Variants in TULP4 observed in about 807,000 individuals in gnomAD.
The protein encoded by TULP4 is TUB like protein 4.
In TULP4, 16 loss-of-function variants were observed where a neutral mutation model predicts 129.0. That is an observed-to-expected ratio of 0.12 (90% confidence interval 0.08 to 0.19). The LOEUF is 0.19. Among genes scored for constraint, TULP4 ranks in the 10% least tolerant of loss-of-function variants. The pLI, the probability that TULP4 is intolerant of heterozygous loss-of-function variation, is 1.00. For synonymous variants in TULP4, 998 were observed against 854.0 expected (o/e 1.17, Z -2.94); for missense variants, 1,842 against 2,059.1 (o/e 0.89, Z 2.04).
intron 2 of TULP4, among the ~76,000 whole-genome samples, chr6:158,421,784 TTGTAA>T (rs772799948): frequency 2.6e-5 from 4 of 152,362 alleles, no homozygotes; most frequent in African/African-American, 4.8e-5. Flanking sequence ...TTTTCTTGTC[TTGTAA>T]TGTTACGCCA....
In TULP4 at chr6:158,249,089, C is replaced by CAAA. The variant is rs3884262; in HGVS notation, n.68+16800_68+16802dup. On this transcript the variant is annotated intron_variant and non_coding_transcript_variant, in intron 1 of 1. Coordinates refer to the TULP4 transcript ENST00000620026. ...TGGGTGACAGAGTGAGACCCTGTCTCAAAAAAAAAAAAAAAAGAAAAAAGA... is the reference window on the plus strand; with the variant it reads ...TGGGTGACAGAGTGAGACCCTGTCTCAAAAAAAAAAAAAAAAAAAGAAAAAAGA... Among the ~76,000 whole-genome samples the CAAA allele has an allele frequency of 3.0e-3, 316 of 106,496 alleles. 1 individual carries two copies. Among genetic ancestry groups the CAAA allele is most frequent in the East Asian group, 9.0e-3 (34 of 3,762 alleles). The allele number at this position is 106,496 out of a possible 152,430, so 69.9% of individuals were successfully genotyped here.
chr6:158,501,636 C>A lies in TULP4; in HGVS notation c.2015-42C>A, dbSNP rs187730736. On this transcript the variant is annotated intron_variant, in intron 12 of 13. Coordinates refer to ENST00000367097, the MANE Select transcript of TULP4 (RefSeq NM_020245.5). ...TGCTTATCCTGATCTGGTTTAATGG[C>A]AGTGTTTTTGTAAGCAGTTCCTTTT... is the stretch of plus-strand genomic sequence containing the variant. 1.1e-5 allele frequency: 17 copies of A among 1,568,314 alleles called. No homozygotes were observed. In the East Asian group the frequency reaches 2.0e-4, roughly 19 times the overall value.
At chr6:158,232,381 C>T (rs1415509718) in intron 1 of TULP4, 1 of 148,324 alleles carries the variant, frequency 6.7e-6, no homozygotes, top group Non-Finnish European at 1.5e-5. Context: ...GTCCCTGCCC[C>T]GCCGGGCGTG....
intron 1 of TULP4, among the ~76,000 whole-genome samples, chr6:158,266,818 A>G (rs562553251): frequency 6.6e-6 from 1 of 152,314 alleles, no homozygotes; most frequent in Admixed American, 6.5e-5. Context: ...GGGTCCTAGA[A>G]CCAACCCCCA....
chr6:158,309,601 A>G (rs558035862), upstream of TULP4, among the ~76,000 whole-genome samples: 4,821 of 149,114 alleles, frequency 0.032, 100 homozygotes, highest in Non-Finnish European at 0.041. Flanking sequence ...CCTGGGCACC[A>G]TTGAGCACCG....
rs1477587042 is a variant in TULP4 at position 158,510,236 on chromosome 6, T to A, written c.*3542T>A. ...GCATAAATCAAAGAATTTCACAGGC[T>A]AGTGTTTTTATCCATAGCCATTGCT... On this transcript the variant is annotated 3_prime_UTR_variant, in exon 14 of 14. Transcript: ENST00000367097. 1 of 152,602 alleles carries A rather than the reference T, an allele frequency of 6.6e-6. No homozygotes were observed. Among genetic ancestry groups the A allele is most frequent in the Non-Finnish European group, 1.5e-5 (1 of 68,040 alleles). 9.5% of individuals were successfully genotyped at this position (152,602 alleles called of 1,614,324 possible).
chr6:158,249,834 A>G (rs1455151031), intron 1 of TULP4, among the ~76,000 whole-genome samples: 2 of 152,240 alleles, frequency 1.3e-5, no homozygotes, highest in Non-Finnish European at 2.9e-5. Context: ...AAAGTTTTTG[A>G]CCAATTAAAA....
intron 2 of TULP4, among the ~76,000 whole-genome samples, chr6:158,426,525 G>A (rs550664013): frequency 2.7e-4 from 41 of 152,138 alleles, no homozygotes; most frequent in Non-Finnish European, 4.6e-4. Flanking sequence ...AGATCAGATG[G>A]TTGTAAATAT....
intron 12 of TULP4, among the ~76,000 whole-genome samples, chr6:158,499,833 C>G (rs1201245366): frequency 6.6e-6 from 1 of 152,066 alleles, no homozygotes; most frequent in Non-Finnish European, 1.5e-5. Context: ...TCAGCCCAGT[C>G]TTTTTAACTG....
chr6:158,444,017 A>T (rs1375492134), intron 3 of TULP4, among the ~76,000 whole-genome samples: 3 of 151,904 alleles, frequency 2.0e-5, no homozygotes, highest in Admixed American at 6.6e-5. Flanking sequence ...CAGGAGATTG[A>T]GACCATCCTG....
At chr6:158,461,473 A>G in intron 5 of TULP4, 90 bp from the exon 6 acceptor site, 2 of 1,301,874 alleles carry the variant, frequency 1.5e-6, no homozygotes, top group Non-Finnish European at 2.1e-6. Context: ...CAGTGTCTGT[A>G]TTTTTTAAAC....
At chr6:158,243,241 T>A (rs1379216870) in intron 1 of TULP4, among the ~76,000 whole-genome samples, 1 of 152,220 alleles carries the variant, frequency 6.6e-6, no homozygotes, top group African/African-American at 2.4e-5. Flanking sequence ...CAAATCAAGC[T>A]GTCATATAAT....
intron 1 of TULP4, among the ~76,000 whole-genome samples, chr6:158,316,106 C>T (rs933679204): frequency 2.0e-5 from 3 of 152,082 alleles, no homozygotes. Context: ...GAGATTCATC[C>T]CTGTTGTGTA....
At chr6:158,419,470 C>G (rs1205939299) in intron 2 of TULP4, among the ~76,000 whole-genome samples, 1 of 152,030 alleles carries the variant, frequency 6.6e-6, no homozygotes, top group Non-Finnish European at 1.5e-5. Flanking sequence ...TGGTAGAAAA[C>G]AGGAACAAAT....
At chr6:158,421,554 T>C (rs1209712309) in intron 2 of TULP4, among the ~76,000 whole-genome samples, 1 of 152,220 alleles carries the variant, frequency 6.6e-6, no homozygotes, top group Non-Finnish European at 1.5e-5. Context: ...AAAGTTCTTT[T>C]GCAGTCTTAT....
At chr6:158,380,946 T>C (rs1239351221) in intron 1 of TULP4, among the ~76,000 whole-genome samples, 1 of 143,014 alleles carries the variant, frequency 7.0e-6, no homozygotes, top group Non-Finnish European at 1.5e-5. Context: ...CAAACAGCCA[T>C]CTTTGCCTGA....
At chr6:158,448,928 G>A in intron 3 of TULP4, 68 bp from the exon 4 acceptor site, 1 of 1,497,774 alleles carries the variant, frequency 6.7e-7, no homozygotes, top group East Asian at 2.3e-5. Flanking sequence ...AACAAATCGA[G>A]GCAACAAGGT....
At chr6:158,244,502 G>T (rs936536401) in intron 1 of TULP4, among the ~76,000 whole-genome samples, 1 of 152,138 alleles carries the variant, frequency 6.6e-6, no homozygotes, top group African/African-American at 2.4e-5. Context: ...GTTAGATGAG[G>T]TCATGAGTGT....
intron 1 of TULP4, among the ~76,000 whole-genome samples, chr6:158,236,795 C>CTTTTCTTTTTTTTTTTTTTTTTTTTTTT (rs1554272522): frequency 4.7e-5 from 3 of 63,292 alleles, no homozygotes; most frequent in Non-Finnish European, 9.3e-5. Context: ...CAATTCTTTT[C>CTTTTCTTTTTTTTTTTTTTTTTTTTTTT]TTTTTTTTTT....
Sources: allele counts gnomAD v4.1 joint callset (sites outside exome capture counted in the v4.1 genomes callset), GRCh38; gene constraint gnomAD v4.1.1; transcripts MANE v1.5; gene names NCBI Gene and HGNC (gene_info 2026-07-23, HGNC 2026-07-21).